PCDHGA3: variants seen among roughly 807,000 people sequenced by gnomAD.
PCDHGA3 encodes the protein protocadherin gamma-A3.
Under a neutral mutation model 58.5 loss-of-function variants are expected in PCDHGA3, and 40 were observed. The ratio of observed to expected loss-of-function variants is 0.68; its 90% CI spans 0.53 to 0.89. The LOEUF is 0.89. Among genes scored for constraint, PCDHGA3 ranks in the 40% least tolerant of loss-of-function variants. PCDHGA3 has a pLI of 0.00. For synonymous variants in PCDHGA3, 530 were observed against 525.7 expected, an observed-to-expected ratio of 1.01 and a Z score of -0.11; for missense variants, 1,223 against 1,195.9, an observed-to-expected ratio of 1.02 and a Z score of -0.33.
At chr5:141,480,698 C>T (rs1394538159) in intron 1 of PCDHGA3, among the ~76,000 whole-genome samples, 1 of 152,198 alleles carries the variant, frequency 6.6e-6, no homozygotes, top group Admixed American at 6.5e-5. Context: ...ACCCAGGCCA[C>T]ACCCCGACAA....
In PCDHGA3 at chr5:141,410,620, G is replaced by C. The variant is rs765125633; in HGVS notation, c.2424+64163G>C. ...CTTCACATCCTGAGACTCTGACTTC[G>C]GTGAGTTTCTCTTTTTTGTGTGTGA... On this transcript the variant is annotated intron_variant, in intron 1 of 3. Coordinates refer to ENST00000253812, the MANE Select transcript of PCDHGA3 (RefSeq NM_018916.4). The C allele has an allele frequency of 3.4e-5, 55 of 1,603,406 alleles. 1 individual carries two copies. The highest frequency in any genetic ancestry group is 2.8e-4 in the Admixed American group (17 of 59,744).
chr5:141,477,059 A>T lies in PCDHGA3; in HGVS notation c.2425-17748A>T. The T allele has an allele frequency of 6.2e-7, 1 of 1,614,238 alleles. No homozygotes were observed. Among genetic ancestry groups the T allele is most frequent in the Non-Finnish European group, 8.5e-7 (1 of 1,180,036 alleles). ...CAAGGGTCGGCTGGACTTCGAGGAC[A>T]CCAAACTCCATGAGATTTACATCCA... On this transcript the variant is annotated intron_variant, in intron 1 of 3. Transcript: ENST00000253812. The surrounding 1 kb of genome is among the most constrained non-coding windows in gnomAD (Gnocchi z 4.9).
At chr5:141,369,176 A>G (rs1766073414) in intron 1 of PCDHGA3, among the ~76,000 whole-genome samples, 1 of 152,212 alleles carries the variant, frequency 6.6e-6, no homozygotes, top group Non-Finnish European at 1.5e-5. Context: ...GTAAATAACA[A>G]AAAGTTAGGA....
At chr5:141,354,965 A>G (rs1437220880) in intron 1 of PCDHGA3, 10 of 506,296 alleles carry the variant, frequency 2.0e-5, no homozygotes. Context: ...ACAGGTTAAG[A>G]CTCTGGGTGT....
At chr5:141,433,129 C>T in intron 1 of PCDHGA3, 1 of 1,614,130 alleles carries the variant, frequency 6.2e-7, no homozygotes, top group Non-Finnish European at 8.5e-7. Context: ...AAAGCGAGCC[C>T]CTTTTGCTGT....
chr5:141,438,591 C>CATATATATATAT (rs946798767), intron 1 of PCDHGA3, among the ~76,000 whole-genome samples: 3 of 75,560 alleles, frequency 4.0e-5, no homozygotes, highest in Non-Finnish European at 5.4e-5. Flanking sequence ...TACATACATA[C>CATATATATATAT]ATATATATAT....
At chr5:141,435,215 C>G (rs4912753) in intron 1 of PCDHGA3, among the ~76,000 whole-genome samples, 81,908 of 151,924 alleles carry the variant, frequency 0.54, 24,122 homozygotes, top group African/African-American at 0.79. Flanking sequence ...AGTGAATTTA[C>G]TTTCTTTCAA....
At chr5:141,370,549 A>C in intron 1 of PCDHGA3, 1 of 1,613,956 alleles carries the variant, frequency 6.2e-7, no homozygotes, top group Non-Finnish European at 8.5e-7. Flanking sequence ...AACCTCGCCA[A>C]GGACCTGGGG....
At position 141,394,666 on chromosome 5, in the gene PCDHGA3, C is replaced by T. The variant is rs1175831509; in HGVS notation, c.2424+48209C>T. 1.2e-6 allele frequency: 2 copies of T among 1,613,190 alleles called. No homozygotes were observed. ...AAGGCCAGCGAGCCGGGACTCTTCT[C>T]GGTGGGTCTGCACACGGGCGAGGTG... On this transcript the variant is annotated intron_variant, in intron 1 of 3. Transcript: ENST00000253812.
intron 1 of PCDHGA3, chr5:141,355,455 C>G: frequency 6.2e-7 from 1 of 1,614,078 alleles, no homozygotes. Flanking sequence ...GCACCTTGGT[C>G]ACCGCGGGTA....
chr5:141,481,762 G>A (rs1378950651), intron 1 of PCDHGA3, among the ~76,000 whole-genome samples: 3 of 152,126 alleles, frequency 2.0e-5, no homozygotes, highest in African/African-American at 2.4e-5. Flanking sequence ...GACCAGCCTG[G>A]CCAACATGGT....
Position 141,404,638 on chromosome 5 carries a change from C to T in PCDHGA3, c.2424+58181C>T, listed in dbSNP as rs776247476. On this transcript the variant is annotated intron_variant, in intron 1 of 3. Coordinates refer to ENST00000253812, the MANE Select transcript of PCDHGA3 (RefSeq NM_018916.4). Reference sequence around the variant, plus strand: ...ACCAGAATGACAATGCCCCAGAAATCCTGTACCCTGCCCTCCCCACTGATG... The same window carrying T: ...ACCAGAATGACAATGCCCCAGAAATTCTGTACCCTGCCCTCCCCACTGATG... 5 of 1,614,194 alleles carry T rather than the reference C, an allele frequency of 3.1e-6. No homozygotes were observed. In the South Asian group the frequency reaches 5.5e-5, roughly 18 times the overall value.
At chr5:141,350,342 T>TC (rs1378635895) in intron 1 of PCDHGA3, 3 of 1,550,478 alleles carry the variant, frequency 1.9e-6, no homozygotes, top group Admixed American at 3.9e-5. Flanking sequence ...CGGGGCCATC[T>TC]CCCAGCAGAT....
At position 141,477,868 on chromosome 5, in the gene PCDHGA3, C is replaced by G; in HGVS notation, c.2425-16939C>G. Reference sequence around the variant, plus strand: ...CGGTGGAGATGCTGCCTCGAGGTACCTCAGCTGGCCACCTAGTGTCACGGG... The same window carrying G: ...CGGTGGAGATGCTGCCTCGAGGTACGTCAGCTGGCCACCTAGTGTCACGGG... On this transcript the variant is annotated intron_variant, in intron 1 of 3. Coordinates refer to ENST00000253812, the MANE Select transcript of PCDHGA3 (RefSeq NM_018916.4). The surrounding 1 kb of genome is among the most constrained non-coding windows in gnomAD (Gnocchi z 4.9). 1 of 1,613,750 alleles carries G rather than the reference C, an allele frequency of 6.2e-7. No individual in the cohort carries two copies. Among genetic ancestry groups the G allele is most frequent in the Non-Finnish European group, 8.5e-7 (1 of 1,179,908 alleles).
At chr5:141,386,173 C>T (rs72790028) in intron 1 of PCDHGA3, among the ~76,000 whole-genome samples, 9,793 of 152,202 alleles carry the variant, frequency 0.064, 369 homozygotes, top group African/African-American at 0.1. Flanking sequence ...AACCTTAGAC[C>T]ATCTTATGTA....
Position 141,489,398 on chromosome 5 carries a change from G to A in PCDHGA3, c.2425-5409G>A, listed in dbSNP as rs2099686644. On this transcript the variant is annotated intron_variant, in intron 1 of 3. Transcript: ENST00000253812. This position sits in a 1 kb window ranked among gnomAD's most constrained non-coding sequence, Gnocchi z 4.5. The stretch of plus-strand genomic sequence containing the variant: ...GTGGGGAATGTTGCTCAGGATCTGG[G>A]CTTAAAGATGACAGATCTGTTGAGC... 6.2e-7 allele frequency: 1 copy of A among 1,614,064 alleles called. No homozygotes were observed. The highest frequency in any genetic ancestry group is 1.3e-5 in the African/African-American group (1 of 74,910).
chr5:141,371,361 G>C, intron 1 of PCDHGA3: 1 of 1,613,976 alleles, frequency 6.2e-7, no homozygotes, highest in Non-Finnish European at 8.5e-7. Context: ...GGAAGCAAAG[G>C]ATGGTGGACA....
chr5:141,413,695 T>C lies in PCDHGA3; in HGVS notation c.2424+67238T>C, dbSNP rs573363878. The C allele has an allele frequency of 4.8e-5, 77 of 1,613,796 alleles. 1 individual carries two copies. The highest frequency in any genetic ancestry group is 3.0e-4 in the South Asian group (27 of 91,078). ...TGTGGGCGTGAACTCCCTGCAGAGC[T>C]ATCAGCTCAGCCCCAATAAGCACTT... On this transcript the variant is annotated intron_variant, in intron 1 of 3. Transcript: ENST00000253812.
intron 2 of PCDHGA3, among the ~76,000 whole-genome samples, chr5:141,504,179 A>C (rs1247627456): frequency 6.6e-6 from 1 of 152,240 alleles, no homozygotes; most frequent in Non-Finnish European, 1.5e-5. Context: ...AATTCAAAAA[A>C]ATCATGAAAA....
Sources: gnomAD v4.1 joint callset for allele counts (sites outside exome capture counted in the v4.1 genomes callset) on GRCh38, gnomAD v4.1.1 for gene constraint, Gnocchi (gnomAD v3.1) non-coding constraint, MANE v1.5 for transcripts, NCBI Gene and HGNC (gene_info 2026-07-23, HGNC 2026-07-21) for gene names.